Variants in SIGIRR observed in about 807,000 individuals in gnomAD.
SIGIRR encodes single Ig IL-1-related receptor.
A neutral mutation model predicts 45.6 loss-of-function variants in SIGIRR; 41 were observed. That is an observed-to-expected ratio of 0.90 (90% CI 0.70 to 1.17). The LOEUF is 1.17. Ranked by LOEUF, SIGIRR falls within the 50% of genes most tolerant of loss-of-function variation. SIGIRR has a pLI of 0.00. For missense variants in SIGIRR, 599 were observed against 539.6 expected (o/e 1.11, Z -1.09); for synonymous variants, 298 against 239.0 (o/e 1.25, Z -2.28).
intron 1 of SIGIRR, among the ~76,000 whole-genome samples, chr11:410,706 A>G (rs1449107093): frequency 1.1e-3 from 41 of 37,016 alleles, no homozygotes; most frequent in South Asian, 4.1e-3. Flanking sequence ...GCAGTCAGGG[A>G]GGGGGTTGCC....
intron 1 of SIGIRR, among the ~76,000 whole-genome samples, chr11:410,308 G>T (rs908779255): frequency 6.6e-6 from 1 of 152,118 alleles, no homozygotes; most frequent in African/African-American, 2.4e-5. Context: ...TGCAGTGGAC[G>T]AACACTAGGT....
intron 3 of SIGIRR, 33 bp from the exon 4 acceptor site, chr11:408,239 G>A (rs757483817): frequency 1.9e-6 from 3 of 1,609,036 alleles, no homozygotes; most frequent in South Asian, 2.2e-5. Context: ...AGGGTCGACT[G>A]GGGATACCAG....
chr11:407,965 TG>T lies in SIGIRR; in HGVS notation c.341-9del. ...CCACGTGGCTTGTAGGGCCTGCGGA[TG>T]GGTTGCCTGAGCCGCTGCCCCTCCA... On this transcript the variant is annotated splice_polypyrimidine_tract_variant and intron_variant, in intron 4 of 9. Transcript: ENST00000431843. 1 of 1,603,832 alleles carries T rather than the reference TG, an allele frequency of 6.2e-7. No homozygotes were observed. The highest frequency in any genetic ancestry group is 1.3e-5 in the African/African-American group (1 of 74,890).
chr11:415,501 C>T (rs1847858197), upstream of SIGIRR, among the ~76,000 whole-genome samples: 1 of 152,098 alleles, frequency 6.6e-6, no homozygotes, highest in South Asian at 2.1e-4. This position sits in a 1 kb window ranked among gnomAD's most constrained non-coding sequence, Gnocchi z 6.6. Flanking sequence ...CGGTTTGCTC[C>T]CCCATGTGTC....
At position 405,900 on chromosome 11, in the gene SIGIRR, A is replaced by AT. The variant is rs774915437; in HGVS notation, c.1228dup (p.Met410AsnfsTer?). ...TCCTGCACTCTGGGGTGGGAGCTAC[A>AT]TATCATCCTTGGACACCAGGCAGTA... is the stretch of plus-strand genomic sequence containing the variant. On this transcript the variant is annotated frameshift_variant, in exon 10 of 10. Coordinates refer to ENST00000431843, the MANE Select transcript of SIGIRR (RefSeq NM_001135054.2). LOFTEE classifies it high-confidence loss of function. 2 of 1,596,264 alleles carry AT rather than the reference A, an allele frequency of 1.3e-6. No homozygotes were observed. Among genetic ancestry groups the AT allele is most frequent in the Non-Finnish European group, 1.7e-6 (2 of 1,168,154 alleles).
Position 405,802 on chromosome 11 carries a change from G to C in SIGIRR, c.*94C>G. The C allele has an allele frequency of 6.9e-7, 1 of 1,454,148 alleles. No individual in the cohort carries two copies. The highest frequency in any genetic ancestry group is 2.3e-5 in the East Asian group (1 of 43,086). 90.1% of individuals were successfully genotyped at this position (1,454,148 alleles called of 1,614,324 possible). Reference sequence around the variant, plus strand: ...CCAGGGCTGCTGGCAGGGTCCCAGGGCTGCTGGCAGGGGTTGTGGTCCTGT... The same window carrying C: ...CCAGGGCTGCTGGCAGGGTCCCAGGCCTGCTGGCAGGGGTTGTGGTCCTGT... On this transcript the variant is annotated 3_prime_UTR_variant, in exon 10 of 10. Transcript: ENST00000431843.
In SIGIRR at chr11:406,515, T is replaced by C; in HGVS notation, c.903A>G (p.Lys301=). 2.5e-6 allele frequency: 4 copies of C among 1,609,622 alleles called. No individual in the cohort carries two copies. The highest frequency in any genetic ancestry group is 2.5e-6 in the Non-Finnish European group (3 of 1,177,530). Residue 301 remains lysine, a synonymous_variant, in exon 9 of 10, where the codon AAA becomes AAG. Coordinates refer to ENST00000431843, the MANE Select transcript of SIGIRR (RefSeq NM_001135054.2). ...GSVTPSSDFW[K]EVQLALPRKV... ...TCCGCGGCAGCGCCAGCTGCACTTC[T>C]TTCCAAAAATCGGAGGAAGGAGTCT...
At chr11:412,815 C>T (rs1236844176) in intron 1 of SIGIRR, among the ~76,000 whole-genome samples, 2 of 152,120 alleles carry the variant, frequency 1.3e-5, no homozygotes, top group African/African-American at 2.4e-5. Context: ...GGAAACACCT[C>T]GGGAACCCTC....
In SIGIRR at chr11:407,116, A is replaced by AC; in HGVS notation, c.673_674insG (p.Ile225SerfsTer116). ...CAGGAAGGCGTCCGAAAGCACCACG[A>AC]TGAGGCGTCGGCAGCGGCTCAGGTT... On this transcript the variant is annotated frameshift_variant, in exon 7 of 10. Coordinates refer to ENST00000431843, the MANE Select transcript of SIGIRR (RefSeq NM_001135054.2). LOFTEE classifies it high-confidence loss of function. The AC allele has an allele frequency of 1.3e-6, 2 of 1,526,572 alleles. No homozygotes were observed. Among genetic ancestry groups the AC allele is most frequent in the Non-Finnish European group, 8.8e-7 (1 of 1,141,848 alleles). 94.6% of individuals were successfully genotyped at this position (1,526,572 alleles called of 1,614,324 possible). A position where few individuals can be genotyped will look rare whatever the true frequency, so the allele number is the denominator to read the frequency against.
At position 410,005 on chromosome 11, in the gene SIGIRR, A is replaced by G; in HGVS notation, c.-131T>C. 8 of 1,244,758 alleles carry G rather than the reference A, an allele frequency of 6.4e-6. No homozygotes were observed. Among genetic ancestry groups the G allele is most frequent in the African/African-American group, 1.5e-5 (1 of 64,586 alleles). The allele number at this position is 1,244,758 out of a possible 1,614,324, so 77.1% of individuals were successfully genotyped here. A position where few individuals can be genotyped will look rare whatever the true frequency, so the allele number is the denominator to read the frequency against. On this transcript the variant is annotated 5_prime_UTR_variant, in exon 2 of 10. Transcript: ENST00000431843. ...TCTCTGTCCTTGCAGTCAGCTGGACAGGGCACCTGGACAGGTCAGAGGCTG... is the reference window on the plus strand; with the variant it reads ...TCTCTGTCCTTGCAGTCAGCTGGACGGGGCACCTGGACAGGTCAGAGGCTG...
chr11:409,518 C>T (rs1315134495), intron 2 of SIGIRR: 3 of 358,118 alleles, frequency 8.4e-6, no homozygotes, highest in African/African-American at 6.3e-5. Context: ...GTGATGAGCC[C>T]TAGCGGGAGG....
chr11:413,114 G>A (rs1167520451), intron 1 of SIGIRR, among the ~76,000 whole-genome samples: 2 of 152,114 alleles, frequency 1.3e-5, no homozygotes, highest in African/African-American at 4.8e-5. Context: ...TGGAAGTGGG[G>A]ATGTGGGGAT....
rs1847300766 is a variant in SIGIRR, at chr11:406,369, G to A, written c.1049C>T (p.Pro350Leu). 4 of 1,612,540 alleles carry A rather than the reference G, an allele frequency of 2.5e-6. No individual in the cohort carries two copies. In the African/African-American group the frequency reaches 4.0e-5, roughly 16 times the overall value. Residue 350 changes from proline to leucine, a missense_variant, in exon 9 of 10, where the codon CCG becomes CTG. Physicochemically the swap from Pro to Leu is moderately conservative, Grantham distance 98. Coordinates refer to ENST00000431843, the MANE Select transcript of SIGIRR (RefSeq NM_001135054.2). ...CATACCCAGGTCGCCCTCAGGGTCC[G>A]GGTCCACCTCTGAGTCCAGGGCCCG... ...EGRALDSEVD[P>L]DPEGDLGVRG...
In SIGIRR at chr11:407,414, G is replaced by T; in HGVS notation, c.625+11C>A. 6.5e-7 allele frequency: 1 copy of T among 1,535,804 alleles called. No homozygotes were observed. The highest frequency in any genetic ancestry group is 8.8e-7 in the Non-Finnish European group (1 of 1,140,600). ...CCGGGTGGGCGGGGCACGGGGTGGG[G>T]CCCGGGATACCAGCGCGCGGCAGGA... On this transcript the variant is annotated intron_variant, in intron 6 of 9. Coordinates refer to ENST00000431843, the MANE Select transcript of SIGIRR (RefSeq NM_001135054.2).
At position 409,858 on chromosome 11, in the gene SIGIRR, A is replaced by T; in HGVS notation, c.7+10T>A. 1 of 1,332,556 alleles carries T rather than the reference A, an allele frequency of 7.5e-7. No homozygotes were observed. Among genetic ancestry groups the T allele is most frequent in the Non-Finnish European group, 9.7e-7 (1 of 1,035,490 alleles). 82.5% of individuals were successfully genotyped at this position (1,332,556 alleles called of 1,614,324 possible). A position where few individuals can be genotyped will look rare whatever the true frequency, so the allele number is the denominator to read the frequency against. ...GGGAATTCAAGCCCATCCCTCTCTG[A>T]CCTGCCTACCTGGCATGGCTCTGAG... On this transcript the variant is annotated intron_variant, in intron 2 of 9. Transcript: ENST00000431843.
At position 407,120 on chromosome 11, in the gene SIGIRR, G is replaced by GTA; in HGVS notation, c.669_670insTA (p.Leu224TyrfsTer11). ...AAGGCGTCCGAAAGCACCACGATGA[G>GTA]GCGTCGGCAGCGGCTCAGGTTCACC... On this transcript the variant is annotated frameshift_variant, in exon 7 of 10. Coordinates refer to ENST00000431843, the MANE Select transcript of SIGIRR (RefSeq NM_001135054.2). LOFTEE classifies it high-confidence loss of function. The GTA allele has an allele frequency of 6.5e-7, 1 of 1,536,212 alleles. No homozygotes were observed. Among genetic ancestry groups the GTA allele is most frequent in the Admixed American group, 1.9e-5 (1 of 51,876 alleles).
At chr11:408,600 G>T in intron 3 of SIGIRR, 95 bp downstream of exon 3, 1 of 1,413,748 alleles carries the variant, frequency 7.1e-7, no homozygotes, top group Non-Finnish European at 9.9e-7. Context: ...GACATGTCTG[G>T]CCAGGTGGTT....
At chr11:412,698 C>T (rs1014383411) in intron 1 of SIGIRR, among the ~76,000 whole-genome samples, 2 of 119,406 alleles carry the variant, frequency 1.7e-5, no homozygotes, top group African/African-American at 3.3e-5. Context: ...GGGGGGGTGC[C>T]CAGCTCTAAC....
chr11:407,764 C>T lies in SIGIRR; in HGVS notation c.481+53G>A, dbSNP rs538675453. ...CTCCAAAGCCGAGCTCAGCAGCGCA[C>T]TCTCAGGGAGGCCGTGGCGACCCCT... On this transcript the variant is annotated intron_variant, in intron 5 of 9. Coordinates refer to ENST00000431843, the MANE Select transcript of SIGIRR (RefSeq NM_001135054.2). The T allele has an allele frequency of 3.1e-6, 5 of 1,608,684 alleles. No individual in the cohort carries two copies. In the East Asian group the frequency reaches 6.7e-5, roughly 22 times the overall value.
Sources: allele counts gnomAD v4.1 joint callset (sites outside exome capture counted in the v4.1 genomes callset), GRCh38; gene constraint gnomAD v4.1.1; non-coding constraint Gnocchi (gnomAD v3.1); transcripts MANE v1.5; gene names NCBI Gene and HGNC (gene_info 2026-07-23, HGNC 2026-07-21).